The following VAV3 variants were observed in gnomAD, a reference collection of about 807,000 sequenced individuals.
The protein encoded by VAV3 is guanine nucleotide exchange factor VAV3.
VAV3 carries 94 observed loss-of-function variants against 131.2 expected under a neutral mutation model. The observed-to-expected ratio is 0.72, with a 90% CI of 0.61 to 0.85. VAV3 has a LOEUF of 0.85. VAV3 is among the 40% of genes least tolerant of loss of function. The pLI is 0.00. For missense variants in VAV3, 939 were observed against 1,002.7 expected, an observed-to-expected ratio of 0.94 and a Z score of 0.86; for synonymous variants, 349 against 342.0, an observed-to-expected ratio of 1.02 and a Z score of -0.22.
chr1:107,938,590 C>T (rs1311050486), intron 1 of VAV3, among the ~76,000 whole-genome samples: 11 of 152,130 alleles, frequency 7.2e-5, no homozygotes, highest in Non-Finnish European at 1.6e-4. Context: ...CAGAAGTGCC[C>T]AGTGGATGAC....
At chr1:107,582,018 T>C (rs1457163800) in intron 25 of VAV3, among the ~76,000 whole-genome samples, 5 of 152,190 alleles carry the variant, frequency 3.3e-5, no homozygotes, top group African/African-American at 4.8e-5. Context: ...CAAGCACATG[T>C]GTTCTCACTC....
chr1:107,575,325 T>G (rs1649570066), intron 25 of VAV3, among the ~76,000 whole-genome samples: 1 of 152,174 alleles, frequency 6.6e-6, no homozygotes, highest in Non-Finnish European at 1.5e-5. Flanking sequence ...CATCTGTATT[T>G]TTAACAGTTC....
intron 18 of VAV3, among the ~76,000 whole-genome samples, chr1:107,684,301 T>C (rs997254583): frequency 6.6e-6 from 1 of 152,234 alleles, no homozygotes; most frequent in African/African-American, 2.4e-5. Context: ...TTCACTTCTT[T>C]ATTATGCAAC....
intron 15 of VAV3, among the ~76,000 whole-genome samples, chr1:107,726,060 A>G (rs572776051): frequency 9.5e-4 from 145 of 152,332 alleles, no homozygotes; most frequent in African/African-American, 3.2e-3. Context: ...AAAGATTTTA[A>G]TATTATGCTA....
intron 2 of VAV3, among the ~76,000 whole-genome samples, chr1:107,825,455 G>A (rs757940596): frequency 1.1e-4 from 17 of 150,786 alleles, no homozygotes; most frequent in East Asian, 1.9e-4. Flanking sequence ...GTACCCTCGC[G>A]GGAAAAAAAA....
intron 2 of VAV3, among the ~76,000 whole-genome samples, chr1:107,806,187 G>T (rs930828177): frequency 6.6e-6 from 1 of 152,130 alleles, no homozygotes; most frequent in Non-Finnish European, 1.5e-5. Flanking sequence ...GGCAGGGCAG[G>T]TCTCCTGTGA....
At chr1:107,676,364 ATT>A (rs951980746) in intron 19 of VAV3, among the ~76,000 whole-genome samples, 1 of 152,154 alleles carries the variant, frequency 6.6e-6, no homozygotes, top group African/African-American at 2.4e-5. Context: ...AAGATGTTCT[ATT>A]TTCTCTGAAT....
chr1:107,769,174 T>C (rs902654145), intron 6 of VAV3, among the ~76,000 whole-genome samples: 3 of 152,164 alleles, frequency 2.0e-5, no homozygotes, highest in Non-Finnish European at 4.4e-5. Flanking sequence ...ACCTCCATCA[T>C]ATCCTCATTT....
chr1:107,909,870 A>AT (rs536688554), intron 1 of VAV3, among the ~76,000 whole-genome samples: 1 of 152,152 alleles, frequency 6.6e-6, no homozygotes, highest in Non-Finnish European at 1.5e-5. Flanking sequence ...TCATAATAAT[A>AT]TTTTCTTTCA....
Position 107,705,055 on chromosome 1 carries a change from G to A in VAV3, c.1509C>T (p.Asn503=). The change falls in exon 16 of 27, where the codon AAC becomes AAT. Residue 503 remains asparagine (N), a synonymous_variant. Coordinates refer to ENST00000370056, the MANE Select transcript of VAV3 (RefSeq NM_006113.5). The part of the protein sequence containing the change: ...WLEQFEMALS[N]IRPDYADSNF... The stretch of plus-strand genomic sequence containing the variant: ...TGGAGTCTGCATAGTCTGGTCTTAT[G>A]TTAGACCTAAAAAAAGGAAAAAAAT... 1 of 1,604,638 alleles carries A rather than the reference G, an allele frequency of 6.2e-7. No individual in the cohort carries two copies. Among genetic ancestry groups the A allele is most frequent in the Non-Finnish European group, 8.5e-7 (1 of 1,172,616 alleles).
intron 19 of VAV3, among the ~76,000 whole-genome samples, chr1:107,659,906 C>T (rs990120562): frequency 3.3e-5 from 5 of 152,260 alleles, no homozygotes; most frequent in Admixed American, 6.5e-5. Context: ...CTCATCCGCA[C>T]AATGTTAATG....
intron 2 of VAV3, among the ~76,000 whole-genome samples, chr1:107,833,622 C>T (rs1216004359): frequency 1.3e-5 from 2 of 151,800 alleles, no homozygotes; most frequent in Non-Finnish European, 1.5e-5. Context: ...TTATCTTTTC[C>T]AAAAGTTCAT....
In VAV3 at chr1:107,779,451, T is replaced by A; in HGVS notation, c.363A>T (p.Ala121=). ...TLSRLSRTPI[A]LATGIRPFPT... is the part of the protein sequence containing the mutation. ...GAGCTTACCTGATTCCTGTGGCCAA[T>A]GCTATAGGTGTTCGAGAAAGTCGTG... Residue 121 remains alanine, a synonymous_variant, in exon 3 of 27, where the codon GCA becomes GCT. Coordinates refer to ENST00000370056, the MANE Select transcript of VAV3 (RefSeq NM_006113.5). 1.9e-6 allele frequency: 3 copies of A among 1,590,758 alleles called. No individual in the cohort carries two copies. The highest frequency in any genetic ancestry group is 2.6e-6 in the Non-Finnish European group (3 of 1,168,302).
chr1:107,964,934 CGCCGCG>C lies in VAV3; in HGVS notation c.-71_-66del. On this transcript the variant is annotated 5_prime_UTR_variant, in exon 1 of 27. Coordinates refer to ENST00000370056, the MANE Select transcript of VAV3 (RefSeq NM_006113.5). ...GCAAGGATGCGGCCGCCGCCGCCGC[CGCCGCG>C]GTTCCTCCGCGCCCCGCCGACGCCA... 1 of 1,192,514 alleles carries C rather than the reference CGCCGCG, an allele frequency of 8.4e-7. No homozygotes were observed. The highest frequency in any genetic ancestry group is 1.1e-6 in the Non-Finnish European group (1 of 950,718). 73.9% of individuals were successfully genotyped at this position (1,192,514 alleles called of 1,614,324 possible).
chr1:107,796,586 A>T (rs961333499), intron 2 of VAV3, among the ~76,000 whole-genome samples: 10 of 152,016 alleles, frequency 6.6e-5, no homozygotes, highest in African/African-American at 2.4e-4. Context: ...GATGGCAACA[A>T]TTTTCTGACA....
chr1:107,609,661 G>T (rs145473043), intron 22 of VAV3: 6 of 354,638 alleles, frequency 1.7e-5, no homozygotes, highest in South Asian at 2.2e-4. Flanking sequence ...ATACATATGC[G>T]TATGTTCCAT....
intron 1 of VAV3, chr1:107,964,437 T>C (rs1458057903): frequency 4.2e-6 from 2 of 476,366 alleles, no homozygotes; most frequent in African/African-American, 3.9e-5. Flanking sequence ...CTTTACGAAA[T>C]CCTCACACCA....
chr1:107,648,611 T>C (rs1371860436), intron 19 of VAV3, among the ~76,000 whole-genome samples: 2 of 152,098 alleles, frequency 1.3e-5, no homozygotes, highest in Non-Finnish European at 2.9e-5. Flanking sequence ...AGCTATCTTA[T>C]CATCTTCTTT....
At chr1:107,687,356 A>AT (rs1659103955) in intron 18 of VAV3, among the ~76,000 whole-genome samples, 1 of 152,026 alleles carries the variant, frequency 6.6e-6, no homozygotes, top group Non-Finnish European at 1.5e-5. Context: ...ACTTTTTCTT[A>AT]TTTTTACTAG....
Sources: allele counts gnomAD v4.1 joint callset (sites outside exome capture counted in the v4.1 genomes callset), GRCh38; gene constraint gnomAD v4.1.1; transcripts MANE v1.5; gene names NCBI Gene and HGNC (gene_info 2026-07-23, HGNC 2026-07-21).